Variants in KANK4 observed in about 807,000 individuals in gnomAD.
KANK4 encodes the protein KN motif and ankyrin repeat domain-containing protein 4.
In KANK4, 50 loss-of-function variants were observed where a neutral mutation model predicts 80.8. The observed-to-expected ratio is 0.62, with a 90% CI of 0.49 to 0.78. The LOEUF (loss-of-function observed/expected upper bound fraction) is 0.78, where lower values mean the gene tolerates loss of function less well. Among genes scored for constraint, KANK4 ranks in the 30% least tolerant of loss-of-function variants. KANK4 has a pLI of 0.00. For synonymous variants in KANK4, 465 were observed against 506.9 expected, an observed-to-expected ratio of 0.92 and a Z score of 1.11; for missense variants, 1,196 against 1,240.1, an observed-to-expected ratio of 0.96 and a Z score of 0.53.
chr1:62,294,633 A>G (rs1439775027), intron 1 of KANK4, among the ~76,000 whole-genome samples: 1 of 92,028 alleles, frequency 1.1e-5, no homozygotes, highest in African/African-American at 5.0e-5. Flanking sequence ...AGGCTAAGTG[A>G]TCCCCAGAAC....
intron 2 of KANK4, among the ~76,000 whole-genome samples, chr1:62,276,103 G>T (rs1344355645): frequency 6.6e-6 from 1 of 152,044 alleles, no homozygotes; most frequent in East Asian, 1.9e-4. Context: ...TGATGAGGAA[G>T]TTCTCCATTA....
intron 7 of KANK4, among the ~76,000 whole-genome samples, chr1:62,261,441 T>G (rs1469604358): frequency 2.6e-5 from 4 of 151,922 alleles, no homozygotes; most frequent in South Asian, 2.1e-4. Context: ...ATTACAGGCG[T>G]GAGCCACCAT....
chr1:62,311,624 G>A (rs1187719307), intron 1 of KANK4, among the ~76,000 whole-genome samples: 1 of 152,106 alleles, frequency 6.6e-6, no homozygotes, highest in Non-Finnish European at 1.5e-5. Context: ...GGATTCATCA[G>A]TTAGTCTACA....
intron 4 of KANK4, 144 bp downstream of exon 4, chr1:62,271,334 G>A (rs996118786): frequency 3.1e-6 from 2 of 654,854 alleles, no homozygotes; most frequent in African/African-American, 3.6e-5. Flanking sequence ...GCAAACCCGA[G>A]ATGGAGTTTT....
intron 4 of KANK4, among the ~76,000 whole-genome samples, chr1:62,269,293 A>G (rs1375131679): frequency 6.6e-6 from 1 of 152,230 alleles, no homozygotes; most frequent in Non-Finnish European, 1.5e-5. Context: ...CTAATGGAGA[A>G]TGCTGGTGGT....
intron 8 of KANK4, among the ~76,000 whole-genome samples, chr1:62,248,884 C>T (rs374299086): frequency 1.4e-5 from 2 of 145,286 alleles, no homozygotes; most frequent in African/African-American, 2.5e-5. Context: ...CAATTGGGGC[C>T]GGGTGCAGTG....
At chr1:62,286,793 A>G (rs1453738440) in intron 1 of KANK4, among the ~76,000 whole-genome samples, 1 of 152,102 alleles carries the variant, frequency 6.6e-6, no homozygotes, top group African/African-American at 2.4e-5. Flanking sequence ...GAAGCCTCTG[A>G]TCATTAAACA....
chr1:62,276,407 G>A (rs77583600), intron 2 of KANK4, among the ~76,000 whole-genome samples: 9,188 of 152,192 alleles, frequency 0.06, 692 homozygotes, highest in African/African-American at 0.18. Flanking sequence ...TCTGCTGTGT[G>A]ACCTTGGGGA....
intron 1 of KANK4, among the ~76,000 whole-genome samples, chr1:62,289,623 G>C (rs1332072469): frequency 1.3e-5 from 2 of 151,994 alleles, no homozygotes; most frequent in African/African-American, 4.8e-5. Flanking sequence ...AAAATACAAT[G>C]GTGAAGACAG....
chr1:62,290,479 T>C (rs543392519), intron 1 of KANK4, among the ~76,000 whole-genome samples: 1 of 152,268 alleles, frequency 6.6e-6, no homozygotes, highest in Non-Finnish European at 1.5e-5. Flanking sequence ...AGAGCACAGC[T>C]CAGTACACCG....
chr1:62,269,595 A>G (rs1405959098), intron 4 of KANK4, among the ~76,000 whole-genome samples: 1 of 152,210 alleles, frequency 6.6e-6, no homozygotes, highest in Non-Finnish European at 1.5e-5. Context: ...TGCTTCCATA[A>G]AAACTTTGCC....
rs1387204607 is a variant in KANK4, at chr1:62,236,362, G to T, written c.*1915C>A. 6.6e-6 allele frequency among the ~76,000 whole-genome samples: 1 copy of T among 152,122 alleles called. No homozygotes were observed. Among genetic ancestry groups the T allele is most frequent in the African/African-American group, 2.4e-5 (1 of 41,402 alleles). On this transcript the variant is annotated 3_prime_UTR_variant, in exon 10 of 10. Transcript: ENST00000371153. ...TGCACATAAATGTTCGCGAAGCACC[G>T]GGCTAGAACATTTATTAACGTAGGA... is the stretch of plus-strand genomic sequence containing the variant.
At chr1:62,245,293 C>T (rs1267130825) in intron 9 of KANK4, among the ~76,000 whole-genome samples, 1 of 152,236 alleles carries the variant, frequency 6.6e-6, no homozygotes, top group African/African-American at 2.4e-5. Flanking sequence ...ATATGAATGT[C>T]AAGAAGGTCA....
intron 1 of KANK4, among the ~76,000 whole-genome samples, chr1:62,287,745 G>C (rs1295480796): frequency 6.6e-6 from 1 of 152,130 alleles, no homozygotes; most frequent in Non-Finnish European, 1.5e-5. Flanking sequence ...GAAGATTCTA[G>C]AGACTCTTGC....
chr1:62,251,531 C>G (rs1298641126), intron 8 of KANK4, among the ~76,000 whole-genome samples: 1 of 152,122 alleles, frequency 6.6e-6, no homozygotes, highest in African/African-American at 2.4e-5. Context: ...CCATGTGGAG[C>G]CTTGTCTAAC....
At chr1:62,306,108 C>T (rs551122510) in intron 1 of KANK4, among the ~76,000 whole-genome samples, 1 of 152,010 alleles carries the variant, frequency 6.6e-6, no homozygotes, top group Non-Finnish European at 1.5e-5. Flanking sequence ...GTTCAGTCTC[C>T]TAAGTAGGTG....
chr1:62,289,518 G>A (rs1430252606), intron 1 of KANK4, among the ~76,000 whole-genome samples: 1 of 152,172 alleles, frequency 6.6e-6, no homozygotes, highest in African/African-American at 2.4e-5. Context: ...ATACCTCTGA[G>A]CACACCACGA....
In KANK4 at chr1:62,278,389, C is replaced by T. The variant is rs367549990; in HGVS notation, c.16+3160G>A. Among the ~76,000 whole-genome samples, 3 of 28,968 alleles carry T rather than the reference C, an allele frequency of 1.0e-4. 1 individual carries two copies. The highest frequency in any genetic ancestry group is 2.7e-4 in the African/African-American group (1 of 3,690). The allele number at this position is 28,968 out of a possible 152,430, so 19.0% of individuals were successfully genotyped here. A position where few individuals can be genotyped will look rare whatever the true frequency, so the allele number is the denominator to read the frequency against. ...CCTTCCTTCCTTCCTTTCTTTCTTT[C>T]TTTCTTTCTTTTTTTTTTTTGAGAT... On this transcript the variant is annotated intron_variant, in intron 2 of 9. Coordinates refer to ENST00000371153, the MANE Select transcript of KANK4 (RefSeq NM_181712.5).
rs565038131 is a variant in KANK4 at position 62,257,504 on chromosome 1, C to T, written c.2540-4295G>A. ...ACAGAGCATCCTCTGACTCAATAAGCCCTGCAAGGGCATTTGGCAAAATAA... is the reference window on the plus strand; with the variant it reads ...ACAGAGCATCCTCTGACTCAATAAGTCCTGCAAGGGCATTTGGCAAAATAA... On this transcript the variant is annotated intron_variant, in intron 7 of 9. Transcript: ENST00000371153. Among the ~76,000 whole-genome samples, 6 of 152,346 alleles carry T rather than the reference C, an allele frequency of 3.9e-5. No homozygotes were observed. In the East Asian group the frequency reaches 7.7e-4, roughly 20 times the overall value.
Sources: gnomAD v4.1 joint callset for allele counts (sites outside exome capture counted in the v4.1 genomes callset) on GRCh38, gnomAD v4.1.1 for gene constraint, MANE v1.5 for transcripts, NCBI Gene and HGNC (gene_info 2026-07-23, HGNC 2026-07-21) for gene names.